The following KCNAB2 variants were observed in gnomAD, a reference collection of about 807,000 sequenced individuals.
KCNAB2 encodes the protein potassium voltage-gated channel subfamily A regulatory beta subunit 2.
In KCNAB2, 29 loss-of-function variants were observed where a neutral mutation model predicts 63.6. The ratio of observed to expected loss-of-function variants is 0.46; its 90% CI spans 0.34 to 0.62. The LOEUF (loss-of-function observed/expected upper bound fraction) is 0.62, where lower values mean the gene tolerates loss of function less well. Ranked by LOEUF, KCNAB2 falls within the 20% of genes least tolerant of loss-of-function variation. The probability of loss-of-function intolerance (pLI) is 0.01; values close to 1 mark genes in which losing one functional copy is unlikely to be tolerated. For missense variants in KCNAB2, 359 were observed against 563.9 expected, an observed-to-expected ratio of 0.64 and a Z score of 3.68; for synonymous variants, 222 against 224.2, an observed-to-expected ratio of 0.99 and a Z score of 0.09.
intron 1 of KCNAB2, among the ~76,000 whole-genome samples, chr1:6,037,521 T>TG (rs1557435179): frequency 1.3e-5 from 2 of 152,146 alleles, no homozygotes; most frequent in Non-Finnish European, 2.9e-5. Context: ...CAGGGGAGCC[T>TG]GGGGGCAGGA....
rs1192313593 is a variant in KCNAB2 at position 6,071,757 on chromosome 1, G to A, written c.219-998G>A. Among the ~76,000 whole-genome samples the A allele has an allele frequency of 6.6e-5, 10 of 151,578 alleles. No individual in the cohort carries two copies. The highest frequency in any genetic ancestry group is 1.3e-4 in the Non-Finnish European group (9 of 67,822). ...TGCGGCGAGGGCTCCCTCCTGCCGCGTGGGCTCCTCCTGCCGCGTGGGCTC... is the reference window on the plus strand; with the variant it reads ...TGCGGCGAGGGCTCCCTCCTGCCGCATGGGCTCCTCCTGCCGCGTGGGCTC... On this transcript the variant is annotated intron_variant, in intron 2 of 15. Transcript: ENST00000378083. This position sits in a 1 kb window ranked among gnomAD's most constrained non-coding sequence, Gnocchi z 8.5.
chr1:6,077,404 C>T (rs1056683760), intron 4 of KCNAB2, among the ~76,000 whole-genome samples: 6 of 152,160 alleles, frequency 3.9e-5, no homozygotes, highest in South Asian at 2.1e-4. Context: ...TGCCGTGAGT[C>T]GCTCCCTCTC....
intron 1 of KCNAB2, among the ~76,000 whole-genome samples, chr1:5,996,787 T>TCAAGCA (rs1261278318): frequency 1.3e-5 from 2 of 152,346 alleles, no homozygotes; most frequent in South Asian, 4.1e-4. Flanking sequence ...GAGCCCTGAC[T>TCAAGCA]GCCGAGCAGC....
At chr1:6,047,210 CAGG>C (rs1172892022) in intron 1 of KCNAB2, among the ~76,000 whole-genome samples, 1 of 152,176 alleles carries the variant, frequency 6.6e-6, no homozygotes, top group Non-Finnish European at 1.5e-5. Context: ...CTCTTGAGCA[CAGG>C]AGAAGTGGGG....
At chr1:6,080,566 G>A (rs919026873) in intron 4 of KCNAB2, among the ~76,000 whole-genome samples, 3 of 152,164 alleles carry the variant, frequency 2.0e-5, no homozygotes, top group African/African-American at 7.2e-5. Flanking sequence ...CTCACTAACC[G>A]GGGCTCAGCT....
At chr1:6,062,727 A>G (rs761800615) in intron 2 of KCNAB2, among the ~76,000 whole-genome samples, 4 of 152,200 alleles carry the variant, frequency 2.6e-5, no homozygotes, top group Admixed American at 1.3e-4. Context: ...CAGGAAAGGC[A>G]CTTCCACAGG....
chr1:6,065,656 CTCA>C (rs1662681609), intron 2 of KCNAB2, among the ~76,000 whole-genome samples: 1 of 152,212 alleles, frequency 6.6e-6, no homozygotes. Context: ...TCACCCGTCA[CTCA>C]TCATCAGGAG....
intron 1 of KCNAB2, among the ~76,000 whole-genome samples, chr1:6,004,744 C>T (rs1169262921): frequency 6.6e-6 from 1 of 152,192 alleles, no homozygotes; most frequent in Admixed American, 6.5e-5. Context: ...CCAAATAATT[C>T]CACATCGACA....
chr1:6,043,907 A>G (rs190060913), upstream of KCNAB2, among the ~76,000 whole-genome samples: 120 of 152,306 alleles, frequency 7.9e-4, 4 homozygotes, highest in African/African-American at 2.8e-3. Context: ...CTGCGGGTTG[A>G]CCAGGCAGCT....
rs375752024 is a variant in KCNAB2, at chr1:6,028,442, C to A, written c.-52-12075C>A. On this transcript the variant is annotated intron_variant, in intron 1 of 16. Coordinates refer to the KCNAB2 transcript ENST00000341524. This position sits in a 1 kb window ranked among gnomAD's most constrained non-coding sequence, Gnocchi z 4.0. ...GGGACCTCCGGGGTTCCAGAAGCAA[C>A]ATGCAAAATAACATCAGTTCAACAA... is the stretch of plus-strand genomic sequence containing the variant. Among the ~76,000 whole-genome samples, 1 of 152,198 alleles carries A rather than the reference C, an allele frequency of 6.6e-6. No homozygotes were observed. Among genetic ancestry groups the A allele is most frequent in the African/African-American group, 2.4e-5 (1 of 41,452 alleles).
chr1:6,048,019 A>C (rs1013436629), intron 1 of KCNAB2, among the ~76,000 whole-genome samples: 1 of 152,218 alleles, frequency 6.6e-6, no homozygotes, highest in Non-Finnish European at 1.5e-5. Context: ...GCGGGCCCCC[A>C]CAGGGAGGGA....
At chr1:6,009,401 A>ATGTGTGCACACGTGTGCATATG (rs1337494195) in intron 1 of KCNAB2, among the ~76,000 whole-genome samples, 1 of 152,138 alleles carries the variant, frequency 6.6e-6, no homozygotes, top group Non-Finnish European at 1.5e-5. Context: ...GTGTGCGTGT[A>ATGTGTGCACACGTGTGCATATG]TGTGTGCACA....
chr1:6,065,003 G>A (rs747711958), intron 2 of KCNAB2, among the ~76,000 whole-genome samples: 1 of 152,168 alleles, frequency 6.6e-6, no homozygotes, highest in Non-Finnish European at 1.5e-5. Context: ...TGACCCCCGC[G>A]TTTCCTTCCT....
intron 1 of KCNAB2, among the ~76,000 whole-genome samples, chr1:6,020,315 G>A (rs560938799): frequency 1.6e-4 from 25 of 152,222 alleles, no homozygotes; most frequent in African/African-American, 6.0e-4. Flanking sequence ...CCCCAGACAG[G>A]GCTGGCTCGG....
At chr1:6,046,914 T>A (rs1485748955) in intron 1 of KCNAB2, among the ~76,000 whole-genome samples, 1 of 152,206 alleles carries the variant, frequency 6.6e-6, no homozygotes, top group Admixed American at 6.5e-5. Flanking sequence ...GAGGTAGTGA[T>A]TCCTACTGAC....
rs189124313 is a variant in KCNAB2, at chr1:6,061,341, C to T, written c.218+9587C>T. Among the ~76,000 whole-genome samples the T allele has an allele frequency of 3.0e-3, 458 of 152,214 alleles. 1 individual carries two copies. The highest frequency in any genetic ancestry group is 0.011 in the African/African-American group (442 of 41,556). On this transcript the variant is annotated intron_variant, in intron 2 of 15. Coordinates refer to ENST00000378083, the MANE Select transcript of KCNAB2 (RefSeq NM_001199862.2). ...CAGCACTGGGCCGGGCGGTGGCTCACGCCTGTAACCCCAGCACCGGGCCGG... is the reference window on the plus strand; with the variant it reads ...CAGCACTGGGCCGGGCGGTGGCTCATGCCTGTAACCCCAGCACCGGGCCGG...
At position 6,099,649 on chromosome 1, in the gene KCNAB2, T is replaced by G; in HGVS notation, c.*1075T>G. On this transcript the variant is annotated 3_prime_UTR_variant, in exon 16 of 16. Transcript: ENST00000378083. ...GTGGGCTTGGGTTTTGTGGAGCGCA[T>G]GCTTGGACCCTTTCAGTAAGGAAGG... is the stretch of plus-strand genomic sequence containing the variant. The G allele has an allele frequency of 1.8e-6, 2 of 1,095,348 alleles. No homozygotes were observed. The highest frequency in any genetic ancestry group is 2.5e-6 in the Non-Finnish European group (2 of 797,710). The allele number at this position is 1,095,348 out of a possible 1,614,324, so 67.9% of individuals were successfully genotyped here.
At chr1:6,053,820 G>A (rs1044939322) in intron 2 of KCNAB2, among the ~76,000 whole-genome samples, 42 of 152,088 alleles carry the variant, frequency 2.8e-4, no homozygotes, top group African/African-American at 9.2e-4. Context: ...GGTGGCTCAC[G>A]CCCGTAGTCT....
At chr1:5,995,112 T>A (rs1656872842) in intron 1 of KCNAB2, among the ~76,000 whole-genome samples, 1 of 152,110 alleles carries the variant, frequency 6.6e-6, no homozygotes, top group African/African-American at 2.4e-5. Context: ...CCAGAGTGAA[T>A]GTTTTCCTGG....
Sources: allele counts gnomAD v4.1 joint callset (sites outside exome capture counted in the v4.1 genomes callset), GRCh38; gene constraint gnomAD v4.1.1; non-coding constraint Gnocchi (gnomAD v3.1); transcripts MANE v1.5; gene names NCBI Gene and HGNC (gene_info 2026-07-23, HGNC 2026-07-21).